CAMSAP1: variants seen among roughly 807,000 people sequenced by gnomAD.
The protein encoded by CAMSAP1 is calmodulin regulated spectrin associated protein 1, also known as calmodulin-regulated spectrin-associated protein 1.
CAMSAP1 carries 58 observed loss-of-function variants against 143.5 expected under a neutral mutation model. That is an observed-to-expected ratio of 0.40 (90% CI 0.33 to 0.50). The LOEUF (loss-of-function observed/expected upper bound fraction) is 0.50, where lower values mean the gene tolerates loss of function less well. Ranked by LOEUF, CAMSAP1 falls within the 20% of genes least tolerant of loss-of-function variation. CAMSAP1 has a pLI of 0.45. For missense variants in CAMSAP1, 1,969 were observed against 2,115.7 expected (o/e 0.93, Z 1.36); for synonymous variants, 945 against 859.3 (o/e 1.10, Z -1.74).
At chr9:135,886,943 T>C (rs1838142858) in intron 1 of CAMSAP1, among the ~76,000 whole-genome samples, 1 of 151,778 alleles carries the variant, frequency 6.6e-6, no homozygotes, top group South Asian at 2.1e-4. Context: ...AGGAAACCAG[T>C]AGTGTGGAGG....
chr9:135,820,855 A>ACCC lies in CAMSAP1; in HGVS notation c.3803_3805dup (p.Gly1268dup), dbSNP rs1835417998. On this transcript the variant is annotated inframe_insertion, in exon 11 of 17. Coordinates refer to ENST00000389532, the MANE Select transcript of CAMSAP1 (RefSeq NM_015447.4). This position sits in a 1 kb window ranked among gnomAD's most constrained non-coding sequence, Gnocchi z 4.4. ...ATCCCTTACCTTGAAGAAGAAGCCG[A>ACCC]CCCCCGGCTTCTGGTCGCCTTCGCT... 1 of 1,612,588 alleles carries ACCC rather than the reference A, an allele frequency of 6.2e-7. No homozygotes were observed. The highest frequency in any genetic ancestry group is 1.1e-5 in the South Asian group (1 of 91,022).
chr9:135,907,268 C>G lies in CAMSAP1; in HGVS notation c.-109G>C. 1 of 730,086 alleles carries G rather than the reference C, an allele frequency of 1.4e-6. No homozygotes were observed. The highest frequency in any genetic ancestry group is 1.7e-6 in the Non-Finnish European group (1 of 596,888). 45.2% of individuals were successfully genotyped at this position (730,086 alleles called of 1,614,324 possible). ...GCCACCACTCGGCCCCGCAGCCGGC[C>G]AGCCGGGAGGGGCGCCCGAGCGCGG... On this transcript the variant is annotated 5_prime_UTR_variant, in exon 1 of 17. Coordinates refer to ENST00000389532, the MANE Select transcript of CAMSAP1 (RefSeq NM_015447.4).
At chr9:135,866,314 C>T in intron 4 of CAMSAP1, 142 bp downstream of exon 4, 3 of 601,586 alleles carry the variant, frequency 5.0e-6, no homozygotes, top group Non-Finnish European at 9.1e-6. Context: ...AGAATCAGCC[C>T]ACCAGGTGAA....
In CAMSAP1 at chr9:135,818,510, G is replaced by C. The variant is rs568276849; in HGVS notation, c.4066C>G (p.Gln1356Glu). ...RRKQQQILEE[Q>E]GLGKPKSKPK... ...TTTGACTTGGGCTTGCCGAGCCCCT[G>C]CTCCTCTAGGATCTGCTGCTGCTTC... Residue 1356 changes from glutamine (Q) to glutamate (E), a missense_variant, in exon 13 of 17, where the codon CAG becomes GAG. By Grantham distance (29) the Gln-to-Glu change is conservative. This residue lies in a region of CAMSAP1 where 1,390 missense variants were observed against 1,420.8 expected (regional missense o/e 0.98). Coordinates refer to ENST00000389532, the MANE Select transcript of CAMSAP1 (RefSeq NM_015447.4). The surrounding 1 kb of genome is among the most constrained non-coding windows in gnomAD (Gnocchi z 7.7). 1.2e-6 allele frequency: 2 copies of C among 1,611,668 alleles called. No homozygotes were observed. Among genetic ancestry groups the C allele is most frequent in the East Asian group, 2.2e-5 (1 of 44,876 alleles).
At chr9:135,903,028 G>A (rs973630576) in intron 1 of CAMSAP1, among the ~76,000 whole-genome samples, 1 of 152,270 alleles carries the variant, frequency 6.6e-6, no homozygotes, top group East Asian at 1.9e-4. Context: ...TTTTAACATT[G>A]TCCTTGAGAG....
intron 7 of CAMSAP1, among the ~76,000 whole-genome samples, chr9:135,845,744 C>T (rs1304572011): frequency 6.6e-6 from 1 of 152,114 alleles, no homozygotes; most frequent in Non-Finnish European, 1.5e-5. Context: ...AGAGCCAAAT[C>T]ATGAGTGAAC....
At chr9:135,906,694 G>A (rs1838789463) in intron 1 of CAMSAP1, among the ~76,000 whole-genome samples, 1 of 151,912 alleles carries the variant, frequency 6.6e-6, no homozygotes. Flanking sequence ...GCCCAGAACC[G>A]GGCAGCTCCT....
rs529823559 is a variant in CAMSAP1 at position 135,816,426 on chromosome 9, C to T, written c.4272-421G>A. On this transcript the variant is annotated intron_variant, in intron 14 of 16. Coordinates refer to ENST00000389532, the MANE Select transcript of CAMSAP1 (RefSeq NM_015447.4). ...TAGGGAAGGAGGGGCCACAGCAGGC[C>T]GAGTCTGAAAACTTGGGTCCCAGTG... Among the ~76,000 whole-genome samples, 56 of 152,274 alleles carry T rather than the reference C, an allele frequency of 3.7e-4. 1 individual carries two copies. The highest frequency in any genetic ancestry group is 1.2e-3 in the African/African-American group (51 of 41,570).
chr9:135,816,568 G>C (rs1835236793), intron 14 of CAMSAP1, among the ~76,000 whole-genome samples: 2 of 152,344 alleles, frequency 1.3e-5, no homozygotes, highest in East Asian at 1.9e-4. Context: ...TCTCACAAGG[G>C]AGGCAGACAG....
chr9:135,823,445 A>T (rs1305534773), intron 10 of CAMSAP1, among the ~76,000 whole-genome samples, 185 bp from the exon 11 acceptor site: 2 of 152,004 alleles, frequency 1.3e-5, no homozygotes, highest in Non-Finnish European at 2.9e-5. Context: ...ATTCTCAAAC[A>T]CTCTAGTCCC....
Position 135,907,288 on chromosome 9 carries a change from G to T in CAMSAP1, c.-129C>A. Reference sequence around the variant, plus strand: ...CCGGCCAGCCGGGAGGGGCGCCCGAGCGCGGCCCCCGCCTCACCTCACAGC... The same window carrying T: ...CCGGCCAGCCGGGAGGGGCGCCCGATCGCGGCCCCCGCCTCACCTCACAGC... On this transcript the variant is annotated 5_prime_UTR_variant, in exon 1 of 17. Transcript: ENST00000389532. The T allele has an allele frequency of 2.0e-6, 1 of 492,990 alleles. No homozygotes were observed. The highest frequency in any genetic ancestry group is 2.6e-6 in the Non-Finnish European group (1 of 381,706). 30.5% of individuals were successfully genotyped at this position (492,990 alleles called of 1,614,324 possible).
intron 5 of CAMSAP1, among the ~76,000 whole-genome samples, chr9:135,861,946 C>A (rs1314244150): frequency 6.6e-6 from 1 of 152,196 alleles, no homozygotes; most frequent in Non-Finnish European, 1.5e-5. Context: ...GGAACGTCCC[C>A]AACACGAAGC....
At position 135,823,257 on chromosome 9, in the gene CAMSAP1, A is replaced by G; in HGVS notation, c.1404T>C (p.Pro468=). 6.5e-7 allele frequency: 1 copy of G among 1,544,920 alleles called. No individual in the cohort carries two copies. Among genetic ancestry groups the G allele is most frequent in the Non-Finnish European group, 8.7e-7 (1 of 1,145,114 alleles). ...AIAWPEKKTR[P]ASQPTPFALH... is the part of the protein sequence containing the mutation. ...GAGCAAAAGGTGTTGGCTGGGACGC[A>G]GGCCTGAAACACAGGGAAGGCCCAC... Residue 468 remains proline, a synonymous_variant, in exon 11 of 17, where the codon CCT becomes CCC. Transcript: ENST00000389532.
At chr9:135,887,108 G>GTC (rs1275390562) in intron 1 of CAMSAP1, among the ~76,000 whole-genome samples, 90 of 152,302 alleles carry the variant, frequency 5.9e-4, no homozygotes, top group African/African-American at 2.1e-3. Flanking sequence ...ATGCCCAGGG[G>GTC]GACGAGTCAT....
intron 3 of CAMSAP1, among the ~76,000 whole-genome samples, chr9:135,869,562 T>C (rs1837501009): frequency 1.3e-5 from 2 of 149,510 alleles, no homozygotes; most frequent in Non-Finnish European, 3.0e-5. Context: ...TGGGGAAAAC[T>C]AGAACCCTCA....
chr9:135,884,685 T>C (rs1838069508), intron 1 of CAMSAP1, among the ~76,000 whole-genome samples: 1 of 152,110 alleles, frequency 6.6e-6, no homozygotes, highest in African/African-American at 2.4e-5. Flanking sequence ...ACTTTTGAAA[T>C]ACAACAGAGC....
At chr9:135,835,963 G>A (rs1263251327) in intron 7 of CAMSAP1, among the ~76,000 whole-genome samples, 1 of 152,218 alleles carries the variant, frequency 6.6e-6, no homozygotes, top group Non-Finnish European at 1.5e-5. Context: ...CTGGGTGACA[G>A]AGCAAGACCC....
chr9:135,837,187 T>C (rs1836093837), intron 7 of CAMSAP1, among the ~76,000 whole-genome samples: 1 of 148,264 alleles, frequency 6.7e-6, no homozygotes, highest in South Asian at 2.1e-4. Flanking sequence ...CATCACGCAC[T>C]TTCTACCCAT....
chr9:135,824,867 C>A lies in CAMSAP1; in HGVS notation c.1237G>T (p.Ala413Ser). The change falls in exon 9 of 17, where the codon GCT (alanine) becomes TCT (serine). Residue 413 changes from alanine (A) to serine (S), a missense_variant. Physicochemically the swap from Ala to Ser is moderately conservative, Grantham distance 99 (BLOSUM62 1). Around this residue, in one of 4 missense-constraint regions of CAMSAP1, gnomAD observed 1,390 missense variants for 1,420.8 expected, o/e 0.98. Transcript: ENST00000389532. The surrounding 1 kb of genome is among the most constrained non-coding windows in gnomAD (Gnocchi z 4.1). ...EEPEYLGKGT[A>S]AFSPSHPLLP... ...AAAGGATGGGATGGGCTGAAGGCAG[C>A]AGTTCCTTTCCCGCTAAATGGAAAA... The A allele has an allele frequency of 6.3e-7, 1 of 1,595,314 alleles. No homozygotes were observed. The highest frequency in any genetic ancestry group is 1.1e-5 in the South Asian group (1 of 87,110).
Sources: gnomAD v4.1 joint callset for allele counts (sites outside exome capture counted in the v4.1 genomes callset) on GRCh38, gnomAD v4.1.1 for gene constraint, gnomAD v4.1.1 regional missense constraint, Gnocchi (gnomAD v3.1) non-coding constraint, MANE v1.5 for transcripts, NCBI Gene and HGNC (gene_info 2026-07-23, HGNC 2026-07-21) for gene names.